NID1: variants seen among roughly 807,000 people sequenced by gnomAD.
NID1 encodes the protein nidogen 1, also known as nidogen-1.
Under a neutral mutation model 130.6 loss-of-function variants are expected in NID1, and 76 were observed. That is an observed-to-expected ratio of 0.58 (90% CI 0.48 to 0.70). The LOEUF is 0.70. Ranked by LOEUF, NID1 falls within the 30% of genes least tolerant of loss-of-function variation. The probability of loss-of-function intolerance (pLI) is 0.00; values close to 1 mark genes in which losing one functional copy is unlikely to be tolerated. For missense variants in NID1, 1,517 were observed against 1,664.8 expected (o/e 0.91, Z 1.54); for synonymous variants, 665 against 675.1 (o/e 0.98, Z 0.23).
chr1:235,982,212 T>A (rs1415062663), intron 15 of NID1, among the ~76,000 whole-genome samples: 1 of 152,102 alleles, frequency 6.6e-6, no homozygotes, highest in East Asian at 1.9e-4. Context: ...CAAACAAGGA[T>A]CCTGGATGAG....
intron 10 of NID1, 91 bp downstream of exon 10, chr1:236,017,057 C>T (rs2102819845): frequency 6.4e-7 from 1 of 1,560,988 alleles, no homozygotes; most frequent in Non-Finnish European, 8.8e-7. Context: ...CCAACTTGAC[C>T]AGACTCATTT....
chr1:236,015,149 G>C (rs1208790949), intron 10 of NID1, among the ~76,000 whole-genome samples: 1 of 152,114 alleles, frequency 6.6e-6, no homozygotes, highest in Non-Finnish European at 1.5e-5. Context: ...TGACCTGCAG[G>C]GTAACCTTCC....
In NID1 at chr1:235,980,785, C is replaced by T. The variant is rs112870307; in HGVS notation, c.3228-132G>A. On this transcript the variant is annotated intron_variant, in intron 16 of 19. Coordinates refer to ENST00000264187, the MANE Select transcript of NID1 (RefSeq NM_002508.3). Reference sequence around the variant, plus strand: ...ATGAAAACAGAATGACTGAAAGGATCGAGAGGTGATAAAACACATTTTCTT... The same window carrying T: ...ATGAAAACAGAATGACTGAAAGGATTGAGAGGTGATAAAACACATTTTCTT... 4.8e-4 allele frequency: 473 copies of T among 978,776 alleles called. 5 individuals are homozygous for T. In the African/African-American group the frequency reaches 6.7e-3, roughly 14 times the overall value. 60.6% of individuals were successfully genotyped at this position (978,776 alleles called of 1,614,324 possible).
At chr1:236,023,803 T>G (rs1410608887) in intron 9 of NID1, among the ~76,000 whole-genome samples, 2 of 152,194 alleles carry the variant, frequency 1.3e-5, no homozygotes, top group Non-Finnish European at 2.9e-5. Context: ...CAACTCCTTT[T>G]AAACCTGTGC....
chr1:236,045,931 C>T (rs549604623), intron 2 of NID1, among the ~76,000 whole-genome samples: 1 of 152,266 alleles, frequency 6.6e-6, no homozygotes, highest in East Asian at 1.9e-4. Context: ...ATAACTGTGG[C>T]CCTAAGGTTA....
At chr1:236,023,289 G>A (rs1658817722) in intron 9 of NID1, among the ~76,000 whole-genome samples, 1 of 137,274 alleles carries the variant, frequency 7.3e-6, no homozygotes, top group Non-Finnish European at 1.7e-5. Context: ...ACCTTAAAAA[G>A]GAAAAAAAAT....
chr1:236,009,537 GT>G (rs1288599583), intron 12 of NID1, among the ~76,000 whole-genome samples: 2 of 152,158 alleles, frequency 1.3e-5, no homozygotes, highest in East Asian at 3.8e-4. Context: ...CACTATGCAT[GT>G]TGTAGCTTTC....
intron 5 of NID1, among the ~76,000 whole-genome samples, chr1:236,034,345 A>G (rs1572609238): frequency 6.6e-6 from 1 of 151,036 alleles, no homozygotes; most frequent in Non-Finnish European, 1.5e-5. Context: ...TCGCTTGAAC[A>G]CAGGAGGCAG....
At chr1:236,049,079 G>A in intron 1 of NID1, 90 bp from the exon 2 acceptor site, 4 of 1,314,276 alleles carry the variant, frequency 3.0e-6, no homozygotes, top group Non-Finnish European at 4.3e-6. Context: ...ACTGTCAGCT[G>A]TACCCATGCT....
rs1370981317 is a variant in NID1, at chr1:235,977,547, C to CT, written c.*319dup. On this transcript the variant is annotated 3_prime_UTR_variant, in exon 20 of 20. Transcript: ENST00000264187. ...CAAATTTGGGAGGTTCTGTTCACCACTGGGGGGCTAGTATTGGGAAAAGGT... is the reference window on the plus strand; with the variant it reads ...CAAATTTGGGAGGTTCTGTTCACCACTTGGGGGGCTAGTATTGGGAAAAGGT... 1 of 238,922 alleles carries CT rather than the reference C, an allele frequency of 4.2e-6. No individual in the cohort carries two copies. Among genetic ancestry groups the CT allele is most frequent in the Non-Finnish European group, 8.3e-6 (1 of 121,008 alleles). 14.8% of individuals were successfully genotyped at this position (238,922 alleles called of 1,614,324 possible).
intron 12 of NID1, among the ~76,000 whole-genome samples, chr1:236,002,954 A>G (rs1018930976): frequency 1.3e-5 from 2 of 151,936 alleles, no homozygotes; most frequent in African/African-American, 4.8e-5. Context: ...TCCTATTCAA[A>G]TCTCACCTGT....
chr1:235,981,946 C>T (rs1558420049), intron 15 of NID1, among the ~76,000 whole-genome samples, 164 bp from the exon 16 acceptor site: 1 of 152,198 alleles, frequency 6.6e-6, no homozygotes, highest in African/African-American at 2.4e-5. Flanking sequence ...AAACAACACT[C>T]AAAGTGACAA....
chr1:236,013,530 C>T lies in NID1; in HGVS notation c.2285G>A (p.Cys762Tyr). The change falls in exon 11 of 20, where the codon TGT (cysteine) becomes TAT (tyrosine). Residue 762 changes from cysteine (C) to tyrosine (Y), a missense_variant. By Grantham distance (194) the Cys-to-Tyr change is radical. Transcript: ENST00000264187. ...GTCGCAGTTATGAAGGCCAGTTTCA[C>T]AGTAGTTGATGGGGCGCTGGTCCAC... is the stretch of plus-strand genomic sequence containing the variant. ...AVVDQRPINY[C>Y]ETGLHNCDIP... 6.2e-7 allele frequency: 1 copy of T among 1,614,158 alleles called. No individual in the cohort carries two copies. Among genetic ancestry groups the T allele is most frequent in the Non-Finnish European group, 8.5e-7 (1 of 1,180,022 alleles).
chr1:235,989,180 C>T (rs139747995), intron 14 of NID1, among the ~76,000 whole-genome samples: 19 of 151,532 alleles, frequency 1.3e-4, no homozygotes, highest in African/African-American at 3.9e-4. Flanking sequence ...CCTCAGGCTC[C>T]CAAGTAGCTG....
intron 1 of NID1, among the ~76,000 whole-genome samples, chr1:236,058,075 A>C (rs759705652): frequency 2.0e-5 from 3 of 152,212 alleles, no homozygotes; most frequent in Non-Finnish European, 2.9e-5. Flanking sequence ...AGTGCTGCTG[A>C]TGATAATAAT....
chr1:236,055,923 C>T (rs1433739688), intron 1 of NID1, among the ~76,000 whole-genome samples: 1 of 152,014 alleles, frequency 6.6e-6, no homozygotes, highest in Non-Finnish European at 1.5e-5. Flanking sequence ...AGTTGGTTAG[C>T]AAAGCTATTA....
chr1:236,034,961 C>T (rs964456671), intron 5 of NID1, among the ~76,000 whole-genome samples: 3 of 148,870 alleles, frequency 2.0e-5, no homozygotes, highest in Non-Finnish European at 2.9e-5. Flanking sequence ...CACAGGTTCT[C>T]GGCAGAGTTT....
intron 1 of NID1, chr1:236,064,423 CG>C: frequency 5.1e-6 from 1 of 194,184 alleles, no homozygotes; most frequent in Non-Finnish European, 1.0e-5. Context: ...CCGGGGCCCG[CG>C]CGCAGACTGC....
At chr1:236,010,282 C>T (rs952326626) in intron 12 of NID1, among the ~76,000 whole-genome samples, 7 of 147,744 alleles carry the variant, frequency 4.7e-5, no homozygotes, top group African/African-American at 1.5e-4. Context: ...CAAGAGCCCA[C>T]ATAGTAGGCT....
Sources: allele counts gnomAD v4.1 joint callset (sites outside exome capture counted in the v4.1 genomes callset), GRCh38; gene constraint gnomAD v4.1.1; transcripts MANE v1.5; gene names NCBI Gene and HGNC (gene_info 2026-07-23, HGNC 2026-07-21).